Variants in TRANK1 observed in about 807,000 individuals in gnomAD.
The protein encoded by TRANK1 is TPR and ankyrin repeat-containing protein 1.
In TRANK1, 198 loss-of-function variants were observed where a neutral mutation model predicts 266.0. That is an observed-to-expected ratio of 0.74 (90% CI 0.66 to 0.84). The LOEUF (loss-of-function observed/expected upper bound fraction) is 0.84. TRANK1 is among the 40% of genes least tolerant of loss of function. The pLI, the probability that TRANK1 is intolerant of heterozygous loss-of-function variation, is 0.00. For synonymous variants in TRANK1, 1,396 were observed against 1,384.1 expected (o/e 1.01, Z -0.19); for missense variants, 3,326 against 3,634.6 (o/e 0.92, Z 2.18).
chr3:36,890,980 A>T (rs1376506386), intron 7 of TRANK1, among the ~76,000 whole-genome samples: 1 of 152,210 alleles, frequency 6.6e-6, no homozygotes, highest in African/African-American at 2.4e-5. Context: ...TGGGAGGATT[A>T]GATTGCGTAG....
At chr3:36,902,607 TA>T (rs529732837) in intron 3 of TRANK1, among the ~76,000 whole-genome samples, 50 of 152,350 alleles carry the variant, frequency 3.3e-4, no homozygotes, top group African/African-American at 1.2e-3. Flanking sequence ...TTAACAATCT[TA>T]AAGGGTCTTA....
chr3:36,939,892 C>CT (rs1292150573), intron 1 of TRANK1, among the ~76,000 whole-genome samples: 77 of 147,050 alleles, frequency 5.2e-4, no homozygotes, highest in African/African-American at 5.0e-4. Flanking sequence ...CTTTTGTTCA[C>CT]TTTTTTTTTT....
At chr3:36,901,911 T>C (rs550365336) in intron 3 of TRANK1, among the ~76,000 whole-genome samples, 27 of 152,324 alleles carry the variant, frequency 1.8e-4, no homozygotes, top group African/African-American at 6.3e-4. Context: ...AACCCAAATA[T>C]TAATACTGTC....
At position 36,832,741 on chromosome 3, in the gene TRANK1, A is replaced by T. The variant is rs3796185; in HGVS notation, c.6842T>A (p.Val2281Glu). Residue 2281 changes from valine to glutamate, a missense_variant, in exon 22 of 24, where the codon GTG becomes GAG. Transcript: ENST00000645898. ...GCATGCCATGGGGTTTTCTGACAAC[A>T]CTCTCTGATGGAAATGCTTAGGGAA... ...VLFPKHFHQR[V>E]LSENPMACKE... The T allele has an allele frequency of 1.2e-6, 2 of 1,613,846 alleles. No individual in the cohort carries two copies. The highest frequency in any genetic ancestry group is 1.7e-6 in the Non-Finnish European group (2 of 1,179,880).
At chr3:36,928,313 T>C (rs1377356828) in intron 1 of TRANK1, among the ~76,000 whole-genome samples, 1 of 152,218 alleles carries the variant, frequency 6.6e-6, no homozygotes, top group Non-Finnish European at 1.5e-5. Flanking sequence ...AAGTCTTTTT[T>C]TCTACAGATC....
At chr3:36,934,460 T>A (rs2080397344) in intron 1 of TRANK1, among the ~76,000 whole-genome samples, 1 of 152,164 alleles carries the variant, frequency 6.6e-6, no homozygotes, top group South Asian at 2.1e-4. Flanking sequence ...TTTGAGTTGT[T>A]TTTTCTCTCA....
intron 8 of TRANK1, among the ~76,000 whole-genome samples, chr3:36,881,226 C>A (rs958642556): frequency 2.6e-5 from 4 of 152,046 alleles, no homozygotes; most frequent in African/African-American, 9.7e-5. Context: ...CCGAGGAGGG[C>A]AGATCACCTG....
Position 36,944,821 on chromosome 3 carries a change from G to A in TRANK1, c.-12C>T. 6.7e-7 allele frequency: 1 copy of A among 1,488,522 alleles called. No homozygotes were observed. Among genetic ancestry groups the A allele is most frequent in the Non-Finnish European group, 8.9e-7 (1 of 1,126,312 alleles). 92.2% of individuals were successfully genotyped at this position (1,488,522 alleles called of 1,614,324 possible). On this transcript the variant is annotated 5_prime_UTR_variant, in exon 1 of 24. Transcript: ENST00000645898. The stretch of plus-strand genomic sequence containing the variant: ...CGCGGGTCCCACATGGCTGCGGCCG[G>A]AGGGTCCGCACCAGGACCGCCGCCG...
At chr3:36,879,665 T>TATACAAATATATATAA in intron 8 of TRANK1, among the ~76,000 whole-genome samples, 1 of 55,078 alleles carries the variant, frequency 1.8e-5, no homozygotes, top group Non-Finnish European at 3.4e-5. Flanking sequence ...AATATATAAA[T>TATACAAATATATATAA]ATATATAAAT....
intron 15 of TRANK1, chr3:36,850,256 G>A (rs2078969011): frequency 1.0e-6 from 1 of 985,304 alleles, no homozygotes; most frequent in African/African-American, 1.7e-5. Flanking sequence ...GGGTTAATGA[G>A]TGTGCATCTG....
chr3:36,865,945 A>AGC (rs2079211346), intron 9 of TRANK1, among the ~76,000 whole-genome samples: 1 of 151,212 alleles, frequency 6.6e-6, no homozygotes, highest in Non-Finnish European at 1.5e-5. Flanking sequence ...AAAAAAAGAG[A>AGC]GAGAGAGAGA....
intron 1 of TRANK1, among the ~76,000 whole-genome samples, chr3:36,911,893 A>T (rs966903901): frequency 4.6e-5 from 7 of 152,196 alleles, no homozygotes; most frequent in Non-Finnish European, 1.0e-4. Flanking sequence ...TTTCATTCTT[A>T]TAAGAAGCCT....
At position 36,831,185 on chromosome 3, in the gene TRANK1, G is replaced by T. The variant is rs571173574; in HGVS notation, c.8398C>A (p.Leu2800Ile). ...TCCCTTTCCAGCTCAGCCCTGGAAA[G>T]GACTGCCACCTCGGAAGCTGCCCCC... is the stretch of plus-strand genomic sequence containing the variant. ...FEGAASEVAV[L>I]SRAELEREEC... Residue 2800 changes from leucine (L) to isoleucine (I), a missense_variant, in exon 22 of 24, where the codon CTT becomes ATT. Physicochemically the swap from Leu to Ile is conservative, Grantham distance 5 (BLOSUM62 2). Coordinates refer to ENST00000645898, the MANE Select transcript of TRANK1 (RefSeq NM_001329998.2). This position sits in a 1 kb window ranked among gnomAD's most constrained non-coding sequence, Gnocchi z 5.0. 1.2e-6 allele frequency: 2 copies of T among 1,614,010 alleles called. No individual in the cohort carries two copies. The highest frequency in any genetic ancestry group is 1.7e-6 in the Non-Finnish European group (2 of 1,179,900).
At position 36,867,889 on chromosome 3, in the gene TRANK1, G is replaced by A. The variant is rs191177020; in HGVS notation, c.1079-3409C>T. Among the ~76,000 whole-genome samples, 457 of 152,342 alleles carry A rather than the reference G, an allele frequency of 3.0e-3. 1 individual carries two copies. Among genetic ancestry groups the A allele is most frequent in the African/African-American group, 0.01 (435 of 41,580 alleles). On this transcript the variant is annotated intron_variant, in intron 9 of 23. Coordinates refer to ENST00000645898, the MANE Select transcript of TRANK1 (RefSeq NM_001329998.2). ...TTGGTCCCCACCGGGGACACTGTGT[G>A]GAGTTTGCACGTTCTTCCCATCTTT...
chr3:36,896,600 A>G (rs1221753471), intron 4 of TRANK1, among the ~76,000 whole-genome samples: 1 of 152,196 alleles, frequency 6.6e-6, no homozygotes, highest in Non-Finnish European at 1.5e-5. Flanking sequence ...TTGGGGGCAG[A>G]ATGAAAACCA....
chr3:36,935,537 G>T (rs1455959904), intron 1 of TRANK1, among the ~76,000 whole-genome samples: 1 of 140,304 alleles, frequency 7.1e-6, no homozygotes, highest in African/African-American at 2.7e-5. Flanking sequence ...TGCAACCTCT[G>T]TCTCCCGGGT....
At position 36,832,116 on chromosome 3, in the gene TRANK1, C is replaced by T; in HGVS notation, c.7467G>A (p.Trp2489Ter). The T allele has an allele frequency of 6.2e-7, 1 of 1,613,958 alleles. No homozygotes were observed. Among genetic ancestry groups the T allele is most frequent in the Non-Finnish European group, 8.5e-7 (1 of 1,179,892 alleles). Residue 2489 changes from tryptophan (W) to a stop codon, truncating the protein, a stop_gained, in exon 22 of 24, where the codon TGG (tryptophan) becomes TGA (stop). Coordinates refer to ENST00000645898, the MANE Select transcript of TRANK1 (RefSeq NM_001329998.2). LOFTEE classifies it high-confidence loss of function. ...TGTCCTTCTTGCTAAACAGGAACTC[C>T]CAGTAGTGCAAGAGTGCAATGTAGC... The part of the protein sequence containing the change: ...PKSYIALLHY[W>*]EFLFSKKDKE...
In TRANK1 at chr3:36,834,873, T is replaced by C. The variant is rs893152243; in HGVS notation, c.5552A>G (p.Gln1851Arg). 3 of 1,613,110 alleles carry C rather than the reference T, an allele frequency of 1.9e-6. No homozygotes were observed. Among genetic ancestry groups the C allele is most frequent in the South Asian group, 1.1e-5 (1 of 90,932 alleles). Residue 1851 changes from glutamine to arginine, a missense_variant, in exon 21 of 24, where the codon CAG (glutamine) becomes CGG (arginine). Gln to Arg is a conservative substitution (Grantham distance 43). Transcript: ENST00000645898. Reference protein sequence around the residue: ...RDAAYFYKRSQCYKDAFRCFE... With the variant: ...RDAAYFYKRSRCYKDAFRCFE... ...GCATCTGAAAGCGTCTTTGTAGCAC[T>C]GGCTTCGCTTATAGAAATAGGCAGC...
At chr3:36,914,514 T>C (rs993395793) in intron 1 of TRANK1, among the ~76,000 whole-genome samples, 12 of 151,260 alleles carry the variant, frequency 7.9e-5, no homozygotes, top group African/African-American at 2.9e-4. Flanking sequence ...AATTCACCCA[T>C]TTTAAGTGTT....
Sources: gnomAD v4.1 joint callset for allele counts (sites outside exome capture counted in the v4.1 genomes callset) on GRCh38, gnomAD v4.1.1 for gene constraint, Gnocchi (gnomAD v3.1) non-coding constraint, MANE v1.5 for transcripts, NCBI Gene and HGNC (gene_info 2026-07-23, HGNC 2026-07-21) for gene names.